Variants in FER1L5 observed in about 807,000 individuals in gnomAD.
The protein encoded by FER1L5 is fer-1 like family member 5.
A neutral mutation model predicts 279.9 loss-of-function variants in FER1L5; 187 were observed. The observed-to-expected ratio is 0.67, with a 90% CI of 0.59 to 0.75. FER1L5 has a LOEUF of 0.75. Among genes scored for constraint, FER1L5 ranks in the 30% least tolerant of loss-of-function variants. The pLI is 0.00. For missense variants in FER1L5, 2,091 were observed against 2,594.4 expected (o/e 0.81, Z 4.21); for synonymous variants, 921 against 989.7 (o/e 0.93, Z 1.30).
Position 96,689,812 on chromosome 2 carries a change from G to C in FER1L5, c.2640+54G>C, listed in dbSNP as rs2077072542. 2 of 1,434,640 alleles carry C rather than the reference G, an allele frequency of 1.4e-6. No homozygotes were observed. Among genetic ancestry groups the C allele is most frequent in the Non-Finnish European group, 1.9e-6 (2 of 1,068,424 alleles). The allele number at this position is 1,434,640 out of a possible 1,614,324, so 88.9% of individuals were successfully genotyped here. A position where few individuals can be genotyped will look rare whatever the true frequency, so the allele number is the denominator to read the frequency against. On this transcript the variant is annotated intron_variant, in intron 26 of 52. Coordinates refer to ENST00000624922, the MANE Select transcript of FER1L5 (RefSeq NM_001293083.2). This position sits in a 1 kb window ranked among gnomAD's most constrained non-coding sequence, Gnocchi z 4.6. ...AGGGGGCAAGCAAGGCCACCAGGCGGGGCGCCTTGGAAGCTGGGGGTCCCA... is the reference window on the plus strand; with the variant it reads ...AGGGGGCAAGCAAGGCCACCAGGCGCGGCGCCTTGGAAGCTGGGGGTCCCA...
chr2:96,687,651 A>G (rs2076980420), intron 23 of FER1L5, 165 bp from the exon 24 acceptor site: 5 of 1,125,056 alleles, frequency 4.4e-6, no homozygotes, highest in Non-Finnish European at 6.3e-6. Flanking sequence ...TGGAGGGCAG[A>G]ACAGAACTCC....
intron 13 of FER1L5, among the ~76,000 whole-genome samples, chr2:96,662,746 C>CAAA (rs1469634948): frequency 5.9e-5 from 9 of 152,194 alleles, no homozygotes; most frequent in African/African-American, 1.7e-4. Context: ...CTACCATATT[C>CAAA]TATTTGTTGC....
In FER1L5 at chr2:96,693,675, G is replaced by A; in HGVS notation, c.3462G>A (p.Gln1154=). ...CGCTTGTGGTGCTGGAGCTGTGGCAGCGTGACTTCTGGGTAAGTTGGGCTG... is the reference window on the plus strand; with the variant it reads ...CGCTTGTGGTGCTGGAGCTGTGGCAACGTGACTTCTGGGTAAGTTGGGCTG... The part of the protein sequence containing the change: ...SPPLVVLELW[Q]RDFWGKESLW... The change falls in exon 32 of 53, where the codon CAG becomes CAA. Residue 1154 remains glutamine (Q), a synonymous_variant. Coordinates refer to ENST00000624922, the MANE Select transcript of FER1L5 (RefSeq NM_001293083.2). 4 of 1,551,434 alleles carry A rather than the reference G, an allele frequency of 2.6e-6. No homozygotes were observed. In the South Asian group the frequency reaches 4.8e-5, roughly 18 times the overall value.
At chr2:96,687,623 G>A in intron 23 of FER1L5, 193 bp from the exon 24 acceptor site, 4 of 793,112 alleles carry the variant, frequency 5.0e-6, no homozygotes, top group Middle Eastern at 3.8e-4. Context: ...TGGCTCCCAG[G>A]GTGGAGCCAC....
intron 12 of FER1L5, 68 bp downstream of exon 12, chr2:96,661,859 A>T: frequency 6.5e-7 from 1 of 1,538,126 alleles, no homozygotes; most frequent in Non-Finnish European, 8.8e-7. Context: ...CTGGATCCTC[A>T]TGGAGTTTCC....
chr2:96,693,437 A>G, intron 31 of FER1L5, 69 bp from the exon 32 acceptor site: 1 of 1,440,072 alleles, frequency 6.9e-7, no homozygotes, highest in Non-Finnish European at 9.3e-7. Context: ...CAGTGGCTGC[A>G]GCAGCAGAGG....
At chr2:96,687,661 C>A in intron 23 of FER1L5, 155 bp from the exon 24 acceptor site, 1 of 1,199,100 alleles carries the variant, frequency 8.3e-7, no homozygotes. Flanking sequence ...AACAGAACTC[C>A]ATGCCATTCA....
chr2:96,668,910 G>T lies in FER1L5; in HGVS notation c.1209G>T (p.Glu403Asp). 6.4e-7 allele frequency: 1 copy of T among 1,551,684 alleles called. No homozygotes were observed. Among genetic ancestry groups the T allele is most frequent in the Non-Finnish European group, 8.7e-7 (1 of 1,146,984 alleles). ...GCCGCAAGAAGGACTGCCCGGATGA[G>T]ATTGGGACTGCCAGCCTGTCCCTCA... ...LDCRKKDCPDEIGTASLSLNQ... is the reference protein window; with the variant it reads ...LDCRKKDCPDDIGTASLSLNQ... Residue 403 changes from glutamate to aspartate, a missense_variant, in exon 16 of 53, where the codon GAG becomes GAT. Glu to Asp is a conservative substitution (Grantham distance 45). Transcript: ENST00000624922.
intron 19 of FER1L5, among the ~76,000 whole-genome samples, chr2:96,675,159 G>A (rs2076465839): frequency 6.6e-6 from 1 of 152,178 alleles, no homozygotes; most frequent in South Asian, 2.1e-4. Context: ...TCCACTGTGT[G>A]ATTATACCAC....
At chr2:96,688,049 G>A in intron 24 of FER1L5, 102 bp downstream of exon 24, 1 of 1,452,866 alleles carries the variant, frequency 6.9e-7, no homozygotes, top group South Asian at 1.3e-5. Flanking sequence ...GATTTGGCGT[G>A]AGAAGGGAGG....
At chr2:96,682,990 C>G (rs2076785847) in intron 19 of FER1L5, among the ~76,000 whole-genome samples, 1 of 152,172 alleles carries the variant, frequency 6.6e-6, no homozygotes, top group South Asian at 2.1e-4. Context: ...ATGCCAACAT[C>G]CGTGAGGCCC....
chr2:96,698,630 A>G lies in FER1L5; in HGVS notation c.4357-41A>G. 1 of 1,529,146 alleles carries G rather than the reference A, an allele frequency of 6.5e-7. No homozygotes were observed. Among genetic ancestry groups the G allele is most frequent in the Non-Finnish European group, 8.9e-7 (1 of 1,124,694 alleles). The allele number at this position is 1,529,146 out of a possible 1,614,324, so 94.7% of individuals were successfully genotyped here. On this transcript the variant is annotated intron_variant, in intron 40 of 52. Transcript: ENST00000624922. The surrounding 1 kb of genome is among the most constrained non-coding windows in gnomAD (Gnocchi z 5.5). ...CCCAGAGGGCTTTACAGAGCTGGCC[A>G]GCACTGCCAGGCTGGGCCCCCAACA...
intron 1 of FER1L5, among the ~76,000 whole-genome samples, chr2:96,644,253 C>T (rs1180080562): frequency 4.7e-5 from 7 of 149,888 alleles, no homozygotes; most frequent in Middle Eastern, 3.5e-3. Context: ...CCGAGGTGGG[C>T]GGATCACGAG....
At chr2:96,661,838 A>G in intron 12 of FER1L5, 47 bp downstream of exon 12, 1 of 1,549,334 alleles carries the variant, frequency 6.5e-7, no homozygotes. Context: ...GATTCCCTAC[A>G]CGGTGATACC....
intron 9 of FER1L5, among the ~76,000 whole-genome samples, chr2:96,655,154 A>G (rs948994773): frequency 2.6e-5 from 4 of 152,170 alleles, no homozygotes; most frequent in Admixed American, 2.0e-4. Flanking sequence ...AAGTAGAAGC[A>G]GAGGATCCAA....
chr2:96,661,565 C>G, intron 11 of FER1L5, 103 bp from the exon 12 acceptor site: 1 of 1,512,310 alleles, frequency 6.6e-7, no homozygotes, highest in Non-Finnish European at 9.0e-7. Context: ...CAGGGTTGTC[C>G]CATCCCCCCT....
At chr2:96,680,329 T>A (rs1477672507) in intron 19 of FER1L5, among the ~76,000 whole-genome samples, 1 of 152,094 alleles carries the variant, frequency 6.6e-6, no homozygotes, top group East Asian at 1.9e-4. Context: ...GGCCAGGGTC[T>A]GAAACTAGTG....
chr2:96,685,981 G>A lies in FER1L5; in HGVS notation c.1937G>A (p.Ser646Asn). 1 of 1,550,718 alleles carries A rather than the reference G, an allele frequency of 6.4e-7. No individual in the cohort carries two copies. Among genetic ancestry groups the A allele is most frequent in the South Asian group, 1.2e-5 (1 of 83,954 alleles). ...ATGACCTATCAGCCCAAAGCCACCA[G>A]CCTGGACAGGAAGAGGTGGCAGCTC... Reference protein sequence around the residue: ...PCMTYQPKATSLDRKRWQLRS... With the variant: ...PCMTYQPKATNLDRKRWQLRS... The change falls in exon 22 of 53, where the codon AGC (serine) becomes AAC (asparagine). Residue 646 changes from serine to asparagine, a missense_variant. Physicochemically the swap from Ser to Asn is conservative, Grantham distance 46. Transcript: ENST00000624922.
chr2:96,680,700 A>T (rs923336843), intron 19 of FER1L5, among the ~76,000 whole-genome samples: 1 of 152,324 alleles, frequency 6.6e-6, no homozygotes, highest in Non-Finnish European at 1.5e-5. Flanking sequence ...TTCAAGTAGA[A>T]CATACCTATG....
Sources: allele counts gnomAD v4.1 joint callset (sites outside exome capture counted in the v4.1 genomes callset), GRCh38; gene constraint gnomAD v4.1.1; non-coding constraint Gnocchi (gnomAD v3.1); transcripts MANE v1.5; gene names NCBI Gene and HGNC (gene_info 2026-07-23, HGNC 2026-07-21).